Variants in PDE5A observed in about 807,000 individuals in gnomAD.
PDE5A encodes phosphodiesterase 5A.
PDE5A carries 67 observed loss-of-function variants against 110.2 expected under a neutral mutation model. The ratio of observed to expected loss-of-function variants is 0.61; its 90% CI spans 0.50 to 0.75. PDE5A has a LOEUF of 0.75. Ranked by LOEUF, PDE5A falls within the 30% of genes least tolerant of loss-of-function variation. The pLI is 0.00. For missense variants in PDE5A, 862 were observed against 1,045.1 expected, an observed-to-expected ratio of 0.82 and a Z score of 2.42; for synonymous variants, 328 against 351.2, an observed-to-expected ratio of 0.93 and a Z score of 0.74.
chr4:119,501,338 TCTCA>T (rs1725323825), intron 19 of PDE5A, 85 bp from the exon 20 acceptor site: 5 of 789,036 alleles, frequency 6.3e-6, no homozygotes, highest in Admixed American at 2.1e-5. Flanking sequence ...TGAGATGGAG[TCTCA>T]CTCTGTTGTC....
At chr4:119,548,044 A>ATTTTTTTTTTTTTTTTTT (rs11438089) in intron 9 of PDE5A, among the ~76,000 whole-genome samples, 1 of 94,802 alleles carries the variant, frequency 1.1e-5, no homozygotes, top group Non-Finnish European at 1.9e-5. Context: ...TTCTCCGTGT[A>ATTTTTTTTTTTTTTTTTT]TTTTTTTTTT....
At position 119,565,380 on chromosome 4, in the gene PDE5A, T is replaced by C; in HGVS notation, c.934A>G (p.Ile312Val). 1 of 1,612,358 alleles carries C rather than the reference T, an allele frequency of 6.2e-7. No homozygotes were observed. Among genetic ancestry groups the C allele is most frequent in the Non-Finnish European group, 8.5e-7 (1 of 1,178,906 alleles). Residue 312 changes from isoleucine to valine, a missense_variant, in exon 5 of 21, where the codon ATT becomes GTT. By Grantham distance (29) the Ile-to-Val change is conservative. Coordinates refer to ENST00000354960, the MANE Select transcript of PDE5A (RefSeq NM_001083.4). ...TAGAGCTGAGCATTATGAAGAACAATACCACAAAATGCCAAATAAGCAGCA... is the reference window on the plus strand; with the variant it reads ...TAGAGCTGAGCATTATGAAGAACAACACCACAAAATGCCAAATAAGCAGCA... ...DFAAYLAFCG[I>V]VLHNAQLYET...
At chr4:119,593,975 G>A (rs1358288361) in intron 3 of PDE5A, among the ~76,000 whole-genome samples, 3 of 152,028 alleles carry the variant, frequency 2.0e-5, no homozygotes, top group African/African-American at 7.2e-5. Flanking sequence ...TCACTATCAC[G>A]AACAGCATGG....
intron 3 of PDE5A, among the ~76,000 whole-genome samples, chr4:119,580,064 G>C (rs922508237): frequency 5.9e-5 from 9 of 152,082 alleles, no homozygotes; most frequent in African/African-American, 2.2e-4. Flanking sequence ...AGCCTCTGGG[G>C]GTCAGTAGCT....
chr4:119,537,003 T>C (rs1386130513), intron 11 of PDE5A, among the ~76,000 whole-genome samples: 1 of 152,178 alleles, frequency 6.6e-6, no homozygotes, highest in African/African-American at 2.4e-5. Context: ...TCAACAAATG[T>C]AGCTATTATT....
At chr4:119,540,379 G>A (rs1318571951) in intron 10 of PDE5A, among the ~76,000 whole-genome samples, 1 of 152,014 alleles carries the variant, frequency 6.6e-6, no homozygotes, top group Admixed American at 6.6e-5. Context: ...CATCTTTCTT[G>A]CCATTTGAAC....
chr4:119,507,505 G>A lies in PDE5A; in HGVS notation c.2189+99C>T, dbSNP rs1461275983. 1.0e-5 allele frequency: 8 copies of A among 780,632 alleles called. No individual in the cohort carries two copies. In the South Asian group the frequency reaches 1.0e-4, roughly 10 times the overall value. 48.4% of individuals were successfully genotyped at this position (780,632 alleles called of 1,614,324 possible). ...GTATTCTGATAAGCAGTTTTGCCAG[G>A]ACATTTCTGCTTTGAAATTTCTCAA... is the stretch of plus-strand genomic sequence containing the variant. On this transcript the variant is annotated intron_variant, in intron 16 of 20. Transcript: ENST00000354960.
In PDE5A at chr4:119,613,424, C is replaced by G. The variant is rs554296921; in HGVS notation, c.153-6127G>C. On this transcript the variant is annotated intron_variant, in intron 1 of 20. Transcript: ENST00000354960. ...ATAAGACAGAGATTTCCACAAGGTA[C>G]TATATTGGGCACCAGGGACAGAATA... 1.3e-4 allele frequency among the ~76,000 whole-genome samples: 20 copies of G among 152,012 alleles called. No individual in the cohort carries two copies. In the South Asian group the frequency reaches 4.2e-3, roughly 32 times the overall value.
chr4:119,628,664 C>A lies in PDE5A; in HGVS notation c.8G>T (p.Arg3Leu), dbSNP rs143772386. 6 of 1,612,626 alleles carry A rather than the reference C, an allele frequency of 3.7e-6. No individual in the cohort carries two copies. Among genetic ancestry groups the A allele is most frequent in the Non-Finnish European group, 5.1e-6 (6 of 1,179,928 alleles). Residue 3 changes from arginine to leucine, a missense_variant, in exon 1 of 21, where the codon CGG becomes CTG. Arg to Leu is a moderately radical substitution (Grantham distance 102). Transcript: ENST00000354960. ME[R>L]AGPSFGQQRQ... Reference sequence around the variant, plus strand: ...CTGCTGCCCGAAGCTGGGGCCGGCCCGCTCCATGGTTGGCACCGCGCGCCT... The same window carrying A: ...CTGCTGCCCGAAGCTGGGGCCGGCCAGCTCCATGGTTGGCACCGCGCGCCT...
intron 2 of PDE5A, among the ~76,000 whole-genome samples, chr4:119,601,682 C>T (rs28375929): frequency 0.024 from 3,685 of 152,128 alleles, 149 homozygotes; most frequent in African/African-American, 0.084. Context: ...CGTCTGAAGT[C>T]GGGGCAGGCT....
intron 10 of PDE5A, chr4:119,542,031 T>A (rs1726948058): frequency 6.5e-6 from 1 of 153,960 alleles, no homozygotes; most frequent in Non-Finnish European, 1.4e-5. Flanking sequence ...CACTTCTAAT[T>A]CTCTTAAGAG....
intron 11 of PDE5A, among the ~76,000 whole-genome samples, chr4:119,537,748 T>G (rs1055830189): frequency 2.0e-5 from 3 of 151,864 alleles, no homozygotes; most frequent in African/African-American, 7.3e-5. Context: ...AGATGTTCAC[T>G]TGGTTGTTCA....
intron 11 of PDE5A, among the ~76,000 whole-genome samples, chr4:119,532,533 C>A (rs748370536): frequency 6.6e-6 from 1 of 151,994 alleles, no homozygotes; most frequent in Non-Finnish European, 1.5e-5. Context: ...ACAAAAGGGA[C>A]ATACTTGTGT....
At chr4:119,596,160 G>A (rs564561144) in intron 3 of PDE5A, among the ~76,000 whole-genome samples, 8 of 152,044 alleles carry the variant, frequency 5.3e-5, no homozygotes, top group African/African-American at 1.7e-4. Flanking sequence ...AATGACCACT[G>A]TAGTTGGATG....
At chr4:119,597,726 T>TA (rs1370114656) in intron 2 of PDE5A, among the ~76,000 whole-genome samples, 5 of 151,926 alleles carry the variant, frequency 3.3e-5, no homozygotes, top group African/African-American at 7.3e-5. Context: ...CATTTCTTTT[T>TA]AAAAAAATAA....
chr4:119,510,739 G>A (rs550341394), intron 15 of PDE5A, among the ~76,000 whole-genome samples: 19 of 152,030 alleles, frequency 1.2e-4, no homozygotes, highest in South Asian at 8.3e-4. Flanking sequence ...CACTTCATTC[G>A]ATTAAACAAA....
chr4:119,500,290 C>G (rs961090354), intron 20 of PDE5A: 17 of 131,090 alleles, frequency 1.3e-4, no homozygotes, highest in Non-Finnish European at 2.6e-4. Flanking sequence ...CTCCATGGTT[C>G]TTTTGGTATC....
At chr4:119,621,579 A>G (rs1730142828) in intron 1 of PDE5A, among the ~76,000 whole-genome samples, 1 of 152,216 alleles carries the variant, frequency 6.6e-6, no homozygotes, top group Non-Finnish European at 1.5e-5. Context: ...AAATAGATGC[A>G]AGGAAGGGCA....
intron 11 of PDE5A, among the ~76,000 whole-genome samples, chr4:119,529,068 T>C (rs1302906029): frequency 1.3e-5 from 2 of 152,156 alleles, no homozygotes; most frequent in Non-Finnish European, 2.9e-5. Flanking sequence ...TCTCTTCTTA[T>C]TGCAATAATG....
Sources: allele counts gnomAD v4.1 joint callset (sites outside exome capture counted in the v4.1 genomes callset), GRCh38; gene constraint gnomAD v4.1.1; transcripts MANE v1.5; gene names NCBI Gene and HGNC (gene_info 2026-07-23, HGNC 2026-07-21).